JPH1: variants seen among roughly 807,000 people sequenced by gnomAD.
JPH1 encodes the protein junctophilin 1, also known as junctophilin-1.
A neutral mutation model predicts 53.6 loss-of-function variants in JPH1; 12 were observed. The observed-to-expected ratio is 0.22, with a 90% CI of 0.14 to 0.36. JPH1 has a LOEUF of 0.36. Ranked by LOEUF, JPH1 falls within the 10% of genes least tolerant of loss-of-function variation. The probability of loss-of-function intolerance (pLI) is 1.00; values close to 1 mark genes in which losing one functional copy is unlikely to be tolerated. For synonymous variants in JPH1, 375 were observed against 363.8 expected (o/e 1.03, Z -0.35); for missense variants, 808 against 905.5 (o/e 0.89, Z 1.38).
At chr8:74,256,864 G>A (rs1806254943) in intron 3 of JPH1, among the ~76,000 whole-genome samples, 3 of 152,164 alleles carry the variant, frequency 2.0e-5, no homozygotes, top group African/African-American at 4.8e-5. Flanking sequence ...CCATGGAAGC[G>A]TTCAACATGT....
intron 4 of JPH1, among the ~76,000 whole-genome samples, chr8:74,242,174 A>T (rs1805715243): frequency 6.6e-6 from 1 of 152,128 alleles, no homozygotes; most frequent in South Asian, 2.1e-4. Flanking sequence ...GATTTTCTGT[A>T]TTTCTAGGAG....
intron 2 of JPH1, among the ~76,000 whole-genome samples, chr8:74,300,637 C>A (rs1807652750): frequency 6.6e-6 from 1 of 152,162 alleles, no homozygotes; most frequent in Non-Finnish European, 1.5e-5. Context: ...TTTATACCAT[C>A]TTCTGATTGA....
chr8:74,321,294 G>A lies in JPH1; in HGVS notation c.-7C>T. 1.3e-6 allele frequency: 2 copies of A among 1,545,270 alleles called. No individual in the cohort carries two copies. Among genetic ancestry groups the A allele is most frequent in the South Asian group, 2.5e-5 (2 of 80,324 alleles). The stretch of plus-strand genomic sequence containing the variant: ...CGAACCTTCCGCCCGTCATTCGGGG[G>A]GCAGCCCCGGCGCGCTCCCCGCAGG... On this transcript the variant is annotated 5_prime_UTR_variant, in exon 1 of 6. Coordinates refer to ENST00000342232, the MANE Select transcript of JPH1 (RefSeq NM_020647.4). The surrounding 1 kb of genome is among the most constrained non-coding windows in gnomAD (Gnocchi z 4.3).
intron 2 of JPH1, among the ~76,000 whole-genome samples, chr8:74,273,464 C>T (rs190090621): frequency 2.0e-5 from 3 of 152,136 alleles, no homozygotes; most frequent in Admixed American, 6.5e-5. Context: ...ACGACAAACC[C>T]AACCACACAA....
At chr8:74,314,772 CGATGTCACTGGCAGATA>C in intron 2 of JPH1, 72 bp downstream of exon 2, 1 of 1,409,304 alleles carries the variant, frequency 7.1e-7, no homozygotes. Context: ...AAGCATTTAG[CGATGTCACTGGCAGATA>C]GACAAACATA....
At chr8:74,266,502 G>C (rs1269884881) in intron 2 of JPH1, among the ~76,000 whole-genome samples, 1 of 152,148 alleles carries the variant, frequency 6.6e-6, no homozygotes, top group African/African-American at 2.4e-5. Flanking sequence ...CAAATTCAGA[G>C]ACAGAAAGTA....
At chr8:74,249,327 G>A (rs1429250441) in intron 3 of JPH1, among the ~76,000 whole-genome samples, 1 of 152,200 alleles carries the variant, frequency 6.6e-6, no homozygotes, top group African/African-American at 2.4e-5. Context: ...CTGACAATCA[G>A]TGAAAAGAGG....
chr8:74,270,760 T>G (rs1242926528), intron 2 of JPH1, among the ~76,000 whole-genome samples: 1 of 152,258 alleles, frequency 6.6e-6, no homozygotes, highest in Non-Finnish European at 1.5e-5. Context: ...GTTAGTGGAC[T>G]GCTTCAAAGC....
chr8:74,271,381 C>T (rs1586748934), intron 2 of JPH1, among the ~76,000 whole-genome samples: 1 of 152,304 alleles, frequency 6.6e-6, no homozygotes, highest in Admixed American at 6.5e-5. Context: ...AGACATCAGG[C>T]TGTACTTGCC....
rs935356067 is a variant in JPH1, at chr8:74,239,587, TC to T, written c.1906-2285del. ...AAATAATGCAGAAAACTCTTATAAC[TC>T]AGAAAATAGTGGAGACGATCTTTCA... On this transcript the variant is annotated intron_variant, in intron 4 of 5. Transcript: ENST00000342232. Among the ~76,000 whole-genome samples the T allele has an allele frequency of 1.1e-4, 16 of 152,200 alleles. 1 individual carries two copies. The highest frequency in any genetic ancestry group is 3.9e-4 in the African/African-American group (16 of 41,532).
At chr8:74,306,831 A>G (rs1298945833) in intron 2 of JPH1, among the ~76,000 whole-genome samples, 1 of 152,032 alleles carries the variant, frequency 6.6e-6, no homozygotes, top group Non-Finnish European at 1.5e-5. Context: ...TCCTGACCTC[A>G]AGGGATCCGC....
chr8:74,246,160 G>A (rs1805855639), intron 3 of JPH1, among the ~76,000 whole-genome samples: 1 of 152,104 alleles, frequency 6.6e-6, no homozygotes, highest in Non-Finnish European at 1.5e-5. Flanking sequence ...ATAAGGTGAG[G>A]TCAAGGTCAC....
intron 2 of JPH1, among the ~76,000 whole-genome samples, chr8:74,283,422 A>C (rs1279689282): frequency 2.0e-5 from 3 of 152,196 alleles, no homozygotes; most frequent in African/African-American, 7.2e-5. Flanking sequence ...AATGGGAAAA[A>C]GGGAGCACAA....
At position 74,315,505 on chromosome 8, in the gene JPH1, C is replaced by T; in HGVS notation, c.495G>A (p.Ser165=). The change falls in exon 2 of 6, where the codon TCG becomes TCA. Residue 165 remains serine (S), a synonymous_variant. Transcript: ENST00000342232. The surrounding 1 kb of genome is among the most constrained non-coding windows in gnomAD (Gnocchi z 6.3). ...TGCCATTGCTCTGCTCGCTGCGCAG[C>T]GAGGCCAGCGAGGTACGCAGCGGTG... ...IRSPLRTSLA[S]LRSEQSNGSV... is the part of the protein sequence containing the mutation. 1 of 1,605,076 alleles carries T rather than the reference C, an allele frequency of 6.2e-7. No homozygotes were observed. The highest frequency in any genetic ancestry group is 8.5e-7 in the Non-Finnish European group (1 of 1,176,910).
chr8:74,316,826 G>A (rs1394361312), intron 1 of JPH1, among the ~76,000 whole-genome samples: 6 of 152,114 alleles, frequency 3.9e-5, no homozygotes, highest in Non-Finnish European at 1.5e-5. Context: ...GGAAATGAAT[G>A]TTAAATTAGG....
intron 2 of JPH1, among the ~76,000 whole-genome samples, chr8:74,298,316 A>G (rs1197157297): frequency 6.6e-6 from 1 of 152,180 alleles, no homozygotes; most frequent in Non-Finnish European, 1.5e-5. Flanking sequence ...CCTTGTATAC[A>G]GCTGGTTGTT....
intron 3 of JPH1, among the ~76,000 whole-genome samples, chr8:74,253,290 C>G (rs988260505): frequency 6.6e-6 from 1 of 152,128 alleles, no homozygotes; most frequent in Non-Finnish European, 1.5e-5. Context: ...TCCTAAATGA[C>G]TACTAGGTAC....
intron 2 of JPH1, among the ~76,000 whole-genome samples, chr8:74,289,038 A>G (rs1049190914): frequency 6.6e-6 from 1 of 152,176 alleles, no homozygotes; most frequent in Non-Finnish European, 1.5e-5. Context: ...CCATCTGTGA[A>G]GGGAGTGGGG....
chr8:74,279,207 G>A (rs16938847), intron 2 of JPH1, among the ~76,000 whole-genome samples: 2,891 of 152,286 alleles, frequency 0.019, 97 homozygotes, highest in African/African-American at 0.066. Context: ...CCTGGTGTGA[G>A]GTGGACTCTG....
Sources: gnomAD v4.1 joint callset for allele counts (sites outside exome capture counted in the v4.1 genomes callset) on GRCh38, gnomAD v4.1.1 for gene constraint, Gnocchi (gnomAD v3.1) non-coding constraint, MANE v1.5 for transcripts, NCBI Gene and HGNC (gene_info 2026-07-23, HGNC 2026-07-21) for gene names.